The following DAG1 variants were observed in gnomAD, a reference collection of about 807,000 sequenced individuals.
DAG1 encodes the protein dystroglycan 1 (dystrophin-associated glycoprotein 1).
A neutral mutation model predicts 46.1 loss-of-function variants in DAG1; 8 were observed. That is an observed-to-expected ratio of 0.17 (90% CI 0.10 to 0.31). DAG1 has a LOEUF of 0.31. DAG1 is among the 10% of genes least tolerant of loss of function. The pLI is 1.00. For synonymous variants in DAG1, 495 were observed against 481.8 expected, an observed-to-expected ratio of 1.03 and a Z score of -0.36; for missense variants, 1,003 against 1,189.9, an observed-to-expected ratio of 0.84 and a Z score of 2.31.
At chr3:49,518,020 G>T (rs1575395689) in intron 2 of DAG1, among the ~76,000 whole-genome samples, 2 of 152,178 alleles carry the variant, frequency 1.3e-5, no homozygotes, top group East Asian at 3.8e-4. Flanking sequence ...AGAGAAGTGG[G>T]TCCGTAAGGG....
chr3:49,510,380 A>G (rs914887980), intron 1 of DAG1, 39 bp from the exon 2 acceptor site: 1 of 732,446 alleles, frequency 1.4e-6, no homozygotes, highest in African/African-American at 1.7e-5. Flanking sequence ...GAACCACTGG[A>G]ATTGCTCAAG....
In DAG1 at chr3:49,530,921, G is replaced by A. The variant is rs975742346; in HGVS notation, c.410G>A (p.Arg137Gln). Residue 137 changes from arginine to glutamine, a missense_variant, in exon 3 of 3, where the codon CGG (arginine) becomes CAG (glutamine). Coordinates refer to ENST00000308775, the MANE Select transcript of DAG1 (RefSeq NM_004393.6). ...CATTACATTTCAGTGAGCGCTACAC[G>A]GCTGGGGGCCAACGGGAGCCACATC... ...GVHYISVSAT[R>Q]LGANGSHIPQ... 2.5e-5 allele frequency: 40 copies of A among 1,614,084 alleles called. No homozygotes were observed. Among genetic ancestry groups the A allele is most frequent in the Non-Finnish European group, 3.1e-5 (37 of 1,180,010 alleles).
chr3:49,495,830 G>A (rs2050295704), intron 1 of DAG1, among the ~76,000 whole-genome samples: 1 of 152,046 alleles, frequency 6.6e-6, no homozygotes. Context: ...TGAGGCAGGA[G>A]AATTGCTTGA....
intron 2 of DAG1, among the ~76,000 whole-genome samples, chr3:49,528,585 A>G (rs2051255320): frequency 6.6e-6 from 1 of 151,858 alleles, no homozygotes; most frequent in African/African-American, 2.4e-5. Flanking sequence ...ACGCCCAGCC[A>G]ATAAGTGTGA....
intron 1 of DAG1, among the ~76,000 whole-genome samples, chr3:49,507,684 T>C (rs1475316840): frequency 6.6e-6 from 1 of 152,010 alleles, no homozygotes; most frequent in Non-Finnish European, 1.5e-5. Flanking sequence ...TCCTTTTCTT[T>C]TGAGACAGTC....
intron 2 of DAG1, among the ~76,000 whole-genome samples, chr3:49,528,615 T>C (rs1438560822): frequency 6.6e-6 from 1 of 152,026 alleles, no homozygotes; most frequent in East Asian, 1.9e-4. Context: ...TTAAAAAATA[T>C]TTTTAAAGAA....
rs1033832041 is a variant in DAG1 at position 49,502,702 on chromosome 3, G to A, written c.-116-7717G>A. Among the ~76,000 whole-genome samples the A allele has an allele frequency of 7.5e-5, 11 of 146,712 alleles. 1 individual carries two copies. The highest frequency in any genetic ancestry group is 2.5e-5 in the African/African-American group (1 of 39,404). ...CGCCTAGGCTGGAGTGCAGTGGTGCGATCTCGGCTCACTACAAGCTCCGCC... is the reference window on the plus strand; with the variant it reads ...CGCCTAGGCTGGAGTGCAGTGGTGCAATCTCGGCTCACTACAAGCTCCGCC... On this transcript the variant is annotated intron_variant, in intron 1 of 2. Coordinates refer to ENST00000308775, the MANE Select transcript of DAG1 (RefSeq NM_004393.6).
rs886043253 is a variant in DAG1, at chr3:49,531,717, C to T, written c.1206C>T (p.Arg402=). Residue 402 remains arginine (R), a synonymous_variant, in exon 3 of 3, where the codon CGC becomes CGT. Transcript: ENST00000308775. The surrounding 1 kb of genome is among the most constrained non-coding windows in gnomAD (Gnocchi z 7.0). ...GCACCACAGTTCCTGGCCAGATTCG[C>T]CCAACGATGACCATTCCTGGCTATG... The part of the protein sequence containing the change: ...EAGTTVPGQI[R]PTMTIPGYVE... The T allele has an allele frequency of 1.2e-6, 2 of 1,613,976 alleles. No individual in the cohort carries two copies. Among genetic ancestry groups the T allele is most frequent in the Admixed American group, 3.3e-5 (2 of 59,990 alleles).
At position 49,533,072 on chromosome 3, in the gene DAG1, G is replaced by C. The variant is rs199933395; in HGVS notation, c.2561G>C (p.Arg854Pro). 6.8e-6 allele frequency: 11 copies of C among 1,613,982 alleles called. No individual in the cohort carries two copies. The African/African-American group carries it at 1.3e-4, about 20-fold the overall frequency. Residue 854 changes from arginine to proline, a missense_variant, in exon 3 of 3, where the codon CGG (arginine) becomes CCG (proline). This residue lies in a region of DAG1 where 755 missense variants were observed against 854.1 expected (regional missense o/e 0.88). Transcript: ENST00000308775. ...QDTMGEYTPL[R>P]DEDPNAPPYQ... is the part of the protein sequence containing the mutation. The stretch of plus-strand genomic sequence containing the variant: ...ACCATGGGAGAGTACACGCCCCTGC[G>C]GGATGAGGATCCCAATGCGCCTCCC...
intron 1 of DAG1, among the ~76,000 whole-genome samples, chr3:49,500,778 A>C (rs942520926): frequency 6.6e-6 from 1 of 152,196 alleles, no homozygotes; most frequent in African/African-American, 2.4e-5. Flanking sequence ...CTTTTCTCCC[A>C]CAAGTTCTGG....
Position 49,532,066 on chromosome 3 carries a change from C to T in DAG1, c.1555C>T (p.Pro519Ser). 6.2e-7 allele frequency: 1 copy of T among 1,614,120 alleles called. No homozygotes were observed. The highest frequency in any genetic ancestry group is 8.5e-7 in the Non-Finnish European group (1 of 1,180,014). Residue 519 changes from proline (P) to serine (S), a missense_variant, in exon 3 of 3, where the codon CCG (proline) becomes TCG (serine). By Grantham distance (74) the Pro-to-Ser change is moderately conservative (BLOSUM62 -1). Coordinates refer to ENST00000308775, the MANE Select transcript of DAG1 (RefSeq NM_004393.6). The surrounding 1 kb of genome is among the most constrained non-coding windows in gnomAD (Gnocchi z 5.4). ...WVGTYFEVKI[P>S]SDTFYDHEDT... Reference sequence around the variant, plus strand: ...TGGCACCTACTTTGAGGTGAAGATCCCGTCAGACACTTTCTATGACCATGA... The same window carrying T: ...TGGCACCTACTTTGAGGTGAAGATCTCGTCAGACACTTTCTATGACCATGA...
At chr3:49,496,713 A>C (rs995936578) in intron 1 of DAG1, among the ~76,000 whole-genome samples, 1 of 142,814 alleles carries the variant, frequency 7.0e-6, no homozygotes, top group African/African-American at 2.6e-5. Flanking sequence ...TGCAACCTCT[A>C]CCTCCCAAGT....
intron 2 of DAG1, among the ~76,000 whole-genome samples, chr3:49,525,092 A>G (rs2051131122): frequency 6.6e-6 from 1 of 151,576 alleles, no homozygotes; most frequent in South Asian, 2.1e-4. Flanking sequence ...GTACCACTCA[A>G]AGTGCTGCTT....
chr3:49,501,841 A>C (rs561724554), intron 1 of DAG1, among the ~76,000 whole-genome samples: 3 of 151,398 alleles, frequency 2.0e-5, no homozygotes, highest in Non-Finnish European at 2.9e-5. Flanking sequence ...ATTAAAATGC[A>C]TAAGAAAGGA....
intron 2 of DAG1, among the ~76,000 whole-genome samples, chr3:49,523,683 G>C (rs549197895): frequency 6.6e-6 from 1 of 152,326 alleles, no homozygotes; most frequent in South Asian, 2.1e-4. Context: ...ACTAGGGAGA[G>C]GAGCCTGGAC....
Position 49,533,881 on chromosome 3 carries a change from T to C in DAG1, c.*682T>C, listed in dbSNP as rs754138033. On this transcript the variant is annotated 3_prime_UTR_variant, in exon 3 of 3. Transcript: ENST00000308775. ...GTTGCTCTGATACCCCAGAGCCTGA[T>C]TGGGGGCCTCCCGGCCCTGGCTCAC... The C allele has an allele frequency of 2.5e-4, 42 of 168,184 alleles. No homozygotes were observed. Among genetic ancestry groups the C allele is most frequent in the South Asian group, 1.2e-3 (8 of 6,684 alleles). The allele number at this position is 168,184 out of a possible 1,614,324, so 10.4% of individuals were successfully genotyped here. A position where few individuals can be genotyped will look rare whatever the true frequency, so the allele number is the denominator to read the frequency against.
intron 1 of DAG1, among the ~76,000 whole-genome samples, chr3:49,482,096 G>A (rs1221763961): frequency 6.6e-6 from 1 of 152,120 alleles, no homozygotes; most frequent in Non-Finnish European, 1.5e-5. Context: ...AGGGATCCAG[G>A]GCTGTGCAGG....
In DAG1 at chr3:49,510,711, G is replaced by A; in HGVS notation, c.177G>A (p.Glu59=). The A allele has an allele frequency of 6.2e-7, 1 of 1,614,170 alleles. No homozygotes were observed. The highest frequency in any genetic ancestry group is 8.5e-7 in the Non-Finnish European group (1 of 1,180,038). ...SMHSVLSDLH[E]AVPTVVGIPD... ...ACTCAGTGCTCTCAGACCTCCACGAGGCTGTTCCCACAGTGGTTGGCATTC... is the reference window on the plus strand; with the variant it reads ...ACTCAGTGCTCTCAGACCTCCACGAAGCTGTTCCCACAGTGGTTGGCATTC... Residue 59 remains glutamate, a synonymous_variant, in exon 2 of 3, where the codon GAG becomes GAA. Transcript: ENST00000308775.
chr3:49,494,377 T>C (rs1401743848), intron 1 of DAG1, among the ~76,000 whole-genome samples: 6 of 152,252 alleles, frequency 3.9e-5, no homozygotes, highest in Non-Finnish European at 7.4e-5. Context: ...AAGGGCTGGG[T>C]TGCCTGGAGC....
Sources: allele counts gnomAD v4.1 joint callset (sites outside exome capture counted in the v4.1 genomes callset), GRCh38; gene constraint gnomAD v4.1.1; regional missense constraint gnomAD v4.1.1; non-coding constraint Gnocchi (gnomAD v3.1); transcripts MANE v1.5; gene names NCBI Gene and HGNC (gene_info 2026-07-23, HGNC 2026-07-21).